The following PREX1 variants were observed in gnomAD, a reference collection of about 807,000 sequenced individuals.
The protein encoded by PREX1 is phosphatidylinositol-3,4,5-trisphosphate dependent Rac exchange factor 1.
Under a neutral mutation model 198.3 loss-of-function variants are expected in PREX1, and 41 were observed. The ratio of observed to expected loss-of-function variants is 0.21; its 90% confidence interval spans 0.16 to 0.27. The LOEUF (loss-of-function observed/expected upper bound fraction) is 0.27, where lower values mean the gene tolerates loss of function less well. PREX1 is among the 10% of genes least tolerant of loss of function. The pLI is 1.00. For missense variants in PREX1, 1,620 were observed against 2,200.7 expected (o/e 0.74, Z 5.28); for synonymous variants, 843 against 887.2 (o/e 0.95, Z 0.89).
chr20:48,808,973 A>T (rs1359392600), intron 1 of PREX1, among the ~76,000 whole-genome samples: 1 of 152,232 alleles, frequency 6.6e-6, no homozygotes, highest in East Asian at 1.9e-4. Flanking sequence ...TAGAAGAGAA[A>T]GATGCTGTGT....
rs191203051 is a variant in PREX1 at position 48,645,626 on chromosome 20, G to A, written c.3512+225C>T. Reference sequence around the variant, plus strand: ...ACTGAGGCAGAACAGATGGGTCCACGTGGGGACAACCCTAAAATGTCAGCT... The same window carrying A: ...ACTGAGGCAGAACAGATGGGTCCACATGGGGACAACCCTAAAATGTCAGCT... On this transcript the variant is annotated intron_variant, in intron 26 of 39. Transcript: ENST00000371941. Among the ~76,000 whole-genome samples the A allele has an allele frequency of 3.9e-4, 60 of 152,326 alleles. 1 individual carries two copies. Among genetic ancestry groups the A allele is most frequent in the Admixed American group, 3.9e-3 (59 of 15,302 alleles).
At chr20:48,764,740 C>T (rs1280383714) in intron 1 of PREX1, among the ~76,000 whole-genome samples, 1 of 149,270 alleles carries the variant, frequency 6.7e-6, no homozygotes, top group Non-Finnish European at 1.5e-5. Flanking sequence ...CAAGATAGCG[C>T]CACTACACTC....
chr20:48,656,320 G>A (rs961714090), intron 18 of PREX1, among the ~76,000 whole-genome samples: 4 of 151,628 alleles, frequency 2.6e-5, no homozygotes, highest in Admixed American at 6.6e-5. Flanking sequence ...CAGCTCCCCC[G>A]AGAGCCACCT....
chr20:48,855,623 G>C, the PREX1 span, among the ~76,000 whole-genome samples: 1 of 152,210 alleles, frequency 6.6e-6, no homozygotes, highest in Non-Finnish European at 1.5e-5. Flanking sequence ...AAGAGGCCAG[G>C]CTCAGTGGCT....
chr20:48,679,564 A>C, intron 12 of PREX1, 87 bp downstream of exon 12: 1 of 1,430,134 alleles, frequency 7.0e-7, no homozygotes. Flanking sequence ...AAACAAGCCA[A>C]GGGGCACAGG....
the PREX1 span, among the ~76,000 whole-genome samples, chr20:48,853,392 C>T: frequency 6.6e-6 from 1 of 152,140 alleles, no homozygotes; most frequent in South Asian, 2.1e-4. Flanking sequence ...TGGCTGAAGG[C>T]ACCTCTTCAC....
In PREX1 at chr20:48,790,507, A is replaced by G. The variant is rs534414268; in HGVS notation, c.219+37135T>C. On this transcript the variant is annotated intron_variant, in intron 1 of 39. Coordinates refer to ENST00000371941, the MANE Select transcript of PREX1 (RefSeq NM_020820.4). Reference sequence around the variant, plus strand: ...AAAAAAGTCTTCAACATGAGTGCGGAAAAAAAAAAGATAAATTCAATGGTC... The same window carrying G: ...AAAAAAGTCTTCAACATGAGTGCGGGAAAAAAAAAGATAAATTCAATGGTC... Among the ~76,000 whole-genome samples the G allele has an allele frequency of 1.5e-3, 224 of 150,622 alleles. 1 individual carries two copies. The highest frequency in any genetic ancestry group is 5.0e-3 in the African/African-American group (206 of 41,084).
rs546427516 is a variant in PREX1 at position 48,688,462 on chromosome 20, T to C, written c.1334+195A>G. Reference sequence around the variant, plus strand: ...ATGGAAAATTATGTCTGGTAGTAGGTTGAAAGACCTGATTTAGGGACCCCA... The same window carrying C: ...ATGGAAAATTATGTCTGGTAGTAGGCTGAAAGACCTGATTTAGGGACCCCA... On this transcript the variant is annotated intron_variant, in intron 10 of 39. Transcript: ENST00000371941. Among the ~76,000 whole-genome samples, 5 of 152,052 alleles carry C rather than the reference T, an allele frequency of 3.3e-5. No individual in the cohort carries two copies. The South Asian group carries it at 1.0e-3, about 32-fold the overall frequency.
At chr20:48,661,157 G>A (rs181416381) in intron 15 of PREX1, among the ~76,000 whole-genome samples, 30 of 151,944 alleles carry the variant, frequency 2.0e-4, no homozygotes, top group African/African-American at 2.7e-4. Flanking sequence ...CGGTGGCTCC[G>A]CCTGTAATCC....
At chr20:48,882,319 G>A in the PREX1 span, among the ~76,000 whole-genome samples, 9 of 151,790 alleles carry the variant, frequency 5.9e-5, no homozygotes, top group African/African-American at 1.9e-4. Context: ...TGGCTAACAC[G>A]GTGAAACCCC....
intron 6 of PREX1, among the ~76,000 whole-genome samples, chr20:48,704,528 T>TTTCC (rs1555836722): frequency 3.0e-4 from 45 of 151,062 alleles, no homozygotes; most frequent in African/African-American, 9.7e-4. Context: ...CCTTCCTTCC[T>TTTCC]TTCCTTCCTT....
chr20:48,645,661 G>C (rs1469368977), intron 26 of PREX1, among the ~76,000 whole-genome samples, 190 bp downstream of exon 26: 2 of 152,144 alleles, frequency 1.3e-5, no homozygotes, highest in Non-Finnish European at 2.9e-5. Flanking sequence ...TTTGCAACTG[G>C]GGAGCCTAAG....
intron 12 of PREX1, 24 bp downstream of exon 12, chr20:48,679,627 G>C (rs1409163435): frequency 6.4e-7 from 1 of 1,568,542 alleles, no homozygotes; most frequent in Non-Finnish European, 8.8e-7. Flanking sequence ...CTGAGTCAGA[G>C]TCACAGGGGC....
rs375817740 is a variant in PREX1 at position 48,679,750 on chromosome 20, G to A, written c.1440C>T (p.Ser480=). ...GCTCATTCTTGAACTGGTGCTTGTCGGAAACTGGAGAGACAGGAGGACCTG... is the reference window on the plus strand; with the variant it reads ...GCTCATTCTTGAACTGGTGCTTGTCAGAAACTGGAGAGACAGGAGGACCTG... The part of the protein sequence containing the change: ...LLENGIIHHV[S]DKHQFKNEQV... Residue 480 remains serine (S), a synonymous_variant, in exon 12 of 40, where the codon TCC becomes TCT. Transcript: ENST00000371941. The A allele has an allele frequency of 9.9e-6, 16 of 1,609,546 alleles. No individual in the cohort carries two copies. The highest frequency in any genetic ancestry group is 2.2e-5 in the East Asian group (1 of 44,878).
At chr20:48,713,360 G>A (rs1435133604) in intron 5 of PREX1, among the ~76,000 whole-genome samples, 1 of 151,932 alleles carries the variant, frequency 6.6e-6, no homozygotes, top group East Asian at 1.9e-4. Flanking sequence ...GCTGAGGCAG[G>A]AGAATCGCTT....
chr20:48,813,299 G>C (rs2090444498), intron 1 of PREX1, among the ~76,000 whole-genome samples: 1 of 152,222 alleles, frequency 6.6e-6, no homozygotes, highest in African/African-American at 2.4e-5. Flanking sequence ...GCTTGGCTCT[G>C]GGACAAGCAT....
chr20:48,724,626 T>TA (rs1316766739), intron 5 of PREX1, among the ~76,000 whole-genome samples: 2 of 152,056 alleles, frequency 1.3e-5, no homozygotes, highest in Non-Finnish European at 2.9e-5. Context: ...ACAAAGCTTT[T>TA]AAAAAAAAGA....
chr20:48,799,772 C>A (rs2090378571), intron 1 of PREX1, among the ~76,000 whole-genome samples: 1 of 152,130 alleles, frequency 6.6e-6, no homozygotes. Flanking sequence ...GGGTTGAAAC[C>A]CAAGAAGAAA....
chr20:48,634,680 C>T lies in PREX1; in HGVS notation c.4263G>A (p.Val1421=), dbSNP rs2089347919. ...FSFKQLDENY[V]ANTNVFYHIE... ...GGGATGGGAGAAATCACTCACTGGC[C>T]ACATAGTTCTCGTCCAGCTGCTTAA... The change falls in exon 33 of 40, where the codon GTG becomes GTA. Residue 1421 remains valine (V), a synonymous_variant. Coordinates refer to ENST00000371941, the MANE Select transcript of PREX1 (RefSeq NM_020820.4). The T allele has an allele frequency of 1.2e-6, 2 of 1,614,012 alleles. No homozygotes were observed. Among genetic ancestry groups the T allele is most frequent in the South Asian group, 2.2e-5 (2 of 91,076 alleles).
Sources: gnomAD v4.1 joint callset for allele counts (sites outside exome capture counted in the v4.1 genomes callset) on GRCh38, gnomAD v4.1.1 for gene constraint, MANE v1.5 for transcripts, NCBI Gene and HGNC (gene_info 2026-07-23, HGNC 2026-07-21) for gene names.